GNAO1: variants seen among roughly 807,000 people sequenced by gnomAD.
The protein encoded by GNAO1 is G protein subunit alpha o1, also known as guanine nucleotide-binding protein G(o) subunit alpha.
For missense variants in GNAO1, 166 were observed against 478.7 expected (o/e 0.35, Z 6.10); for synonymous variants, 164 against 180.7 (o/e 0.91, Z 0.74).
intron 2 of GNAO1, among the ~76,000 whole-genome samples, chr16:56,232,957 C>G (rs1204555212): frequency 2.0e-5 from 3 of 152,190 alleles, no homozygotes; most frequent in Admixed American, 6.5e-5. Context: ...GCCCCTTACT[C>G]AAATGGCTTT....
intron 3 of GNAO1, among the ~76,000 whole-genome samples, chr16:56,300,133 A>G (rs966268454): frequency 1.3e-5 from 2 of 151,790 alleles, no homozygotes; most frequent in Admixed American, 6.6e-5. Context: ...TGTGTGCATG[A>G]CTACATGCCT....
intron 4 of GNAO1, 33 bp from the exon 5 acceptor site, chr16:56,334,696 G>A (rs1338265515): frequency 1.2e-6 from 2 of 1,612,412 alleles, no homozygotes; most frequent in Non-Finnish European, 1.7e-6. Context: ...CCAGGCATTT[G>A]GTCCATAGTC....
chr16:56,240,184 C>T (rs1178372364), intron 2 of GNAO1, among the ~76,000 whole-genome samples: 1 of 152,172 alleles, frequency 6.6e-6, no homozygotes, highest in Non-Finnish European at 1.5e-5. Flanking sequence ...ACCTCAGCAG[C>T]CTCCAGGGAA....
chr16:56,277,610 C>T (rs1447463871), intron 3 of GNAO1, among the ~76,000 whole-genome samples: 2 of 152,144 alleles, frequency 1.3e-5, no homozygotes, highest in East Asian at 1.9e-4. Flanking sequence ...CATAATGACT[C>T]GTTTTATTTA....
chr16:56,278,971 T>C (rs1456438280), intron 3 of GNAO1, among the ~76,000 whole-genome samples: 9 of 152,180 alleles, frequency 5.9e-5, no homozygotes, highest in Non-Finnish European at 1.3e-4. Flanking sequence ...ATCTGCCATT[T>C]GGATGCTGGG....
chr16:56,350,061 C>G (rs1209254651), intron 6 of GNAO1, among the ~76,000 whole-genome samples: 2 of 152,172 alleles, frequency 1.3e-5, no homozygotes, highest in Non-Finnish European at 2.9e-5. Flanking sequence ...GTGTGGGCCT[C>G]AGTGACTGGT....
chr16:56,277,775 CTACACACACA>C (rs1217811539), intron 3 of GNAO1, among the ~76,000 whole-genome samples: 4 of 83,550 alleles, frequency 4.8e-5, no homozygotes, highest in African/African-American at 1.6e-4. Context: ...GGCACACCCC[CTACACACACA>C]CACACACACA....
intron 2 of GNAO1, among the ~76,000 whole-genome samples, chr16:56,256,651 A>C (rs1370863700): frequency 6.6e-6 from 1 of 151,258 alleles, no homozygotes; most frequent in African/African-American, 2.4e-5. Context: ...TTACTGATGG[A>C]TCAACTGAGA....
At chr16:56,290,087 C>A (rs768315402) in intron 3 of GNAO1, among the ~76,000 whole-genome samples, 2 of 152,230 alleles carry the variant, frequency 1.3e-5, no homozygotes, top group Non-Finnish European at 2.9e-5. Flanking sequence ...AATGCCACGA[C>A]CTCCTGGCCT....
chr16:56,247,482 GTTTTTTTTT>G (rs61650674), intron 2 of GNAO1, among the ~76,000 whole-genome samples: 5 of 119,672 alleles, frequency 4.2e-5, no homozygotes, highest in African/African-American at 1.6e-4. Flanking sequence ...TTAGGGTGAG[GTTTTTTTTT>G]TTTTTTTTTT....
chr16:56,350,908 C>A (rs1259170296), intron 6 of GNAO1, among the ~76,000 whole-genome samples: 4 of 152,214 alleles, frequency 2.6e-5, no homozygotes, highest in African/African-American at 9.7e-5. Context: ...CACACAGGCA[C>A]ACACACAGGC....
chr16:56,194,405 G>A (rs769063961), intron 2 of GNAO1: 11 of 382,124 alleles, frequency 2.9e-5, no homozygotes, highest in Non-Finnish European at 5.8e-5. Context: ...TCAGAAGTCT[G>A]TAATCAGCAG....
chr16:56,319,178 G>T (rs1212367340), intron 3 of GNAO1, among the ~76,000 whole-genome samples: 2 of 152,204 alleles, frequency 1.3e-5, no homozygotes, highest in Non-Finnish European at 2.9e-5. Context: ...AGTGTTAAAA[G>T]TGCAGTTTAC....
chr16:56,297,713 A>C (rs2037301978), intron 3 of GNAO1, among the ~76,000 whole-genome samples: 1 of 152,162 alleles, frequency 6.6e-6, no homozygotes, highest in Non-Finnish European at 1.5e-5. Context: ...GCAGAATTGA[A>C]AAATAACCCG....
In GNAO1 at chr16:56,227,687, CAAAAAAAAAA is replaced by C. The variant is rs386384777; in HGVS notation, c.161+35087_161+35096del. 1.7e-3 allele frequency among the ~76,000 whole-genome samples: 105 copies of C among 61,966 alleles called. 1 individual carries two copies. Among genetic ancestry groups the C allele is most frequent in the Non-Finnish European group, 2.8e-3 (94 of 33,996 alleles). 40.7% of individuals were successfully genotyped at this position (61,966 alleles called of 152,430 possible). ...TGAGTGACAGAGGAAGACCCTGTCT[CAAAAAAAAAA>C]AAAAAAAAAAAAAAAGAATTATGGT... On this transcript the variant is annotated intron_variant, in intron 2 of 8. Transcript: ENST00000262493.
chr16:56,224,455 A>G (rs897263378), intron 2 of GNAO1, among the ~76,000 whole-genome samples: 2 of 152,158 alleles, frequency 1.3e-5, no homozygotes, highest in Admixed American at 6.5e-5. Context: ...GCTGCATGGC[A>G]TAGATGGGGG....
chr16:56,307,667 C>G (rs549706031), intron 3 of GNAO1: 1 of 152,378 alleles, frequency 6.6e-6, no homozygotes, highest in South Asian at 2.1e-4. Flanking sequence ...AGGCCACACC[C>G]TGACACTTCC....
intron 2 of GNAO1, among the ~76,000 whole-genome samples, chr16:56,251,687 A>G (rs1176471826): frequency 5.3e-5 from 8 of 152,008 alleles, no homozygotes; most frequent in Non-Finnish European, 1.0e-4. Flanking sequence ...TGCTCAAACC[A>G]TTGCCCACTA....
chr16:56,218,151 C>T (rs769861030), intron 2 of GNAO1, among the ~76,000 whole-genome samples: 3 of 152,204 alleles, frequency 2.0e-5, no homozygotes, highest in Non-Finnish European at 4.4e-5. Flanking sequence ...GGCGAGAGAT[C>T]CTCTCAAATG....
Sources: allele counts gnomAD v4.1 joint callset (sites outside exome capture counted in the v4.1 genomes callset), GRCh38; gene constraint gnomAD v4.1.1; transcripts MANE v1.5; gene names NCBI Gene and HGNC (gene_info 2026-07-23, HGNC 2026-07-21).